KLHL13: variants seen among roughly 807,000 people sequenced by gnomAD.
KLHL13 encodes the protein kelch-like protein 13.
KLHL13 carries 10 observed loss-of-function variants against 37.1 expected under a neutral mutation model. The observed-to-expected ratio is 0.27, with a 90% CI of 0.17 to 0.46. KLHL13 has a LOEUF of 0.46. Among genes scored for constraint, KLHL13 ranks in the 20% least tolerant of loss-of-function variants. KLHL13 has a pLI of 1.00. For synonymous variants in KLHL13, 163 were observed against 181.2 expected (o/e 0.90, Z 0.81); for missense variants, 360 against 509.3 (o/e 0.71, Z 2.82).
intron 1 of KLHL13, among the ~76,000 whole-genome samples, chrX:118,039,042 C>A (rs1049623288): frequency 8.9e-6 from 1 of 112,315 alleles, no homozygotes; most frequent in African/African-American, 3.2e-5. Context: ...TCTACAGACA[C>A]CCTGAGCAAA....
chrX:118,075,809 T>C (rs1179251139), intron 1 of KLHL13, among the ~76,000 whole-genome samples: 2 of 112,168 alleles, frequency 1.8e-5, no homozygotes, highest in South Asian at 3.7e-4. Flanking sequence ...ATCTTTCTTA[T>C]TATCAGGAGA....
At chrX:118,106,242 A>T in intron 1 of KLHL13, among the ~76,000 whole-genome samples, 1 of 110,036 alleles carries the variant, frequency 9.1e-6, no homozygotes, top group Non-Finnish European at 1.9e-5. Context: ...ATTAGAAACT[A>T]AAGGCCTACT....
At position 117,933,868 on chromosome X, in the gene KLHL13, A is replaced by T. The variant is rs1029829148; in HGVS notation, c.240+11566T>A. Among the ~76,000 whole-genome samples, 8 of 110,889 alleles carry T rather than the reference A, an allele frequency of 7.2e-5. No homozygotes were observed. The Admixed American group carries it at 7.7e-4, about 11-fold the overall frequency. ...AAATGTATGAATAGAAGAAGCTACT[A>T]ACTCTGCTTGGGTCAAGAAAAGTTT... On this transcript the variant is annotated intron_variant, in intron 2 of 6. Transcript: ENST00000262820.
At chrX:117,951,296 TCCC>T (rs1933586596) in intron 1 of KLHL13, among the ~76,000 whole-genome samples, 2 of 111,934 alleles carry the variant, frequency 1.8e-5, no homozygotes, top group African/African-American at 3.2e-5. Context: ...GAAAGATTTG[TCCC>T]CCAACTAAAA....
chrX:118,058,469 T>C (rs1332223878), intron 1 of KLHL13, among the ~76,000 whole-genome samples: 1 of 111,622 alleles, frequency 9.0e-6, no homozygotes, highest in Non-Finnish European at 1.9e-5. Flanking sequence ...CACTCTTAAA[T>C]CCATGGCTAG....
chrX:118,112,168 G>A (rs1020786164), intron 1 of KLHL13, among the ~76,000 whole-genome samples: 1 of 112,070 alleles, frequency 8.9e-6, no homozygotes, highest in African/African-American at 3.3e-5. Flanking sequence ...CACCAAACAC[G>A]TGAAAAGTAA....
chrX:118,093,503 T>C, intron 1 of KLHL13, among the ~76,000 whole-genome samples: 1 of 111,821 alleles, frequency 8.9e-6, no homozygotes, highest in East Asian at 2.8e-4. Flanking sequence ...TAACTTTATA[T>C]TCACAATGTT....
chrX:117,901,939 T>C, exon 6 of KLHL13: 2 of 1,084,451 alleles, frequency 1.8e-6, no homozygotes, highest in Non-Finnish European at 2.5e-6. Context: ...TGTAACATTC[T>C]ACTGTGGCTG....
At chrX:118,058,446 T>G (rs2054708027) in intron 1 of KLHL13, among the ~76,000 whole-genome samples, 1 of 111,743 alleles carries the variant, frequency 8.9e-6, no homozygotes, top group South Asian at 3.8e-4. Context: ...CACCAAGTGC[T>G]TTCATAGTTC....
intron 1 of KLHL13, among the ~76,000 whole-genome samples, chrX:117,985,608 CA>C (rs1183142198): frequency 7.2e-5 from 8 of 110,439 alleles, no homozygotes; most frequent in Non-Finnish European, 1.3e-4. Flanking sequence ...TGAACAGGAA[CA>C]AAGTGTTCAT....
chrX:118,005,392 T>C (rs1037707150), intron 1 of KLHL13, among the ~76,000 whole-genome samples: 1 of 111,755 alleles, frequency 8.9e-6, no homozygotes, highest in Non-Finnish European at 1.9e-5. Flanking sequence ...ATGGTATAGT[T>C]GACATAGATA....
intron 1 of KLHL13, among the ~76,000 whole-genome samples, chrX:117,994,007 A>G (rs946841865): frequency 9.0e-6 from 1 of 111,074 alleles, no homozygotes; most frequent in Non-Finnish European, 1.9e-5. Context: ...AAGTGCTGGG[A>G]TTACAGGCGT....
chrX:117,927,893 T>C (rs1417326678), intron 2 of KLHL13, among the ~76,000 whole-genome samples: 2 of 111,899 alleles, frequency 1.8e-5, no homozygotes, highest in African/African-American at 3.3e-5. Flanking sequence ...TGGTTCTGTG[T>C]CATAATTCTG....
At chrX:118,051,916 C>G (rs970291788) in intron 1 of KLHL13, among the ~76,000 whole-genome samples, 3 of 110,926 alleles carry the variant, frequency 2.7e-5, no homozygotes, top group Admixed American at 9.6e-5. Context: ...GTTGTGGAGG[C>G]AGAGGCAAGG....
At chrX:118,019,037 C>T (rs1483623427) in intron 1 of KLHL13, among the ~76,000 whole-genome samples, 1 of 110,902 alleles carries the variant, frequency 9.0e-6, no homozygotes, top group Admixed American at 9.7e-5. Context: ...CATCACCTTC[C>T]AGAGTTGCCT....
intron 1 of KLHL13, among the ~76,000 whole-genome samples, chrX:118,031,830 C>A (rs756705547): frequency 1.9e-5 from 2 of 107,821 alleles, no homozygotes; most frequent in African/African-American, 3.4e-5. Flanking sequence ...TCTGAGGTAC[C>A]GGGTTCATCT....
chrX:117,917,029 T>C (rs1467559622), intron 4 of KLHL13, among the ~76,000 whole-genome samples: 2 of 111,450 alleles, frequency 1.8e-5, no homozygotes, highest in East Asian at 5.6e-4. Context: ...TTCACTTGAT[T>C]GCTGAGAAGG....
intron 1 of KLHL13, among the ~76,000 whole-genome samples, chrX:118,103,709 A>G (rs778819698): frequency 2.7e-5 from 3 of 111,212 alleles, no homozygotes; most frequent in Non-Finnish European, 5.6e-5. Context: ...TTATTACTTT[A>G]ATGAAGACCT....
intron 1 of KLHL13, among the ~76,000 whole-genome samples, chrX:118,106,527 T>C (rs2055348833): frequency 8.9e-6 from 1 of 112,011 alleles, no homozygotes; most frequent in Non-Finnish European, 1.9e-5. Flanking sequence ...ACATCACTGC[T>C]AATAAATAAT....
Sources: gnomAD v4.1 joint callset for allele counts (sites outside exome capture counted in the v4.1 genomes callset) on GRCh38, gnomAD v4.1.1 for gene constraint, MANE v1.5 for transcripts, NCBI Gene and HGNC (gene_info 2026-07-23, HGNC 2026-07-21) for gene names.